The following TMEM217 variants were observed in gnomAD, a reference collection of about 807,000 sequenced individuals.
TMEM217 encodes the protein transmembrane protein 217.
For synonymous variants in TMEM217, 76 were observed against 88.3 expected (o/e 0.86, Z 0.78); for missense variants, 204 against 248.8 (o/e 0.82, Z 1.21).
chr6:37,249,428 T>A (rs563196596), intron 1 of TMEM217, among the ~76,000 whole-genome samples: 81 of 152,268 alleles, frequency 5.3e-4, no homozygotes, highest in Non-Finnish European at 6.9e-4. Flanking sequence ...CAAGCAATTC[T>A]CCTGCCTCAG....
At chr6:37,243,137 G>A (rs992764610) in intron 1 of TMEM217, among the ~76,000 whole-genome samples, 1 of 152,124 alleles carries the variant, frequency 6.6e-6, no homozygotes, top group Non-Finnish European at 1.5e-5. Flanking sequence ...AAAGAATATG[G>A]AAGGAAATAA....
chr6:37,222,380 G>T (rs1245323995), intron 1 of TMEM217, among the ~76,000 whole-genome samples: 1 of 152,228 alleles, frequency 6.6e-6, no homozygotes, highest in East Asian at 1.9e-4. Flanking sequence ...GGATTGGAGA[G>T]AGGCCAGGCA....
intron 1 of TMEM217, among the ~76,000 whole-genome samples, chr6:37,245,129 G>A (rs957321588): frequency 1.3e-5 from 2 of 152,206 alleles, no homozygotes; most frequent in Non-Finnish European, 2.9e-5. Flanking sequence ...GTCAGAATGA[G>A]GAAGTCCAAC....
At chr6:37,247,481 G>A (rs1263934053) in intron 1 of TMEM217, among the ~76,000 whole-genome samples, 4 of 151,462 alleles carry the variant, frequency 2.6e-5, no homozygotes, top group Non-Finnish European at 4.4e-5. Flanking sequence ...TCTGCCTCCC[G>A]GGTTAAAGCA....
At chr6:37,239,907 GA>G (rs1350209528) in intron 1 of TMEM217, among the ~76,000 whole-genome samples, 111 of 146,402 alleles carry the variant, frequency 7.6e-4, no homozygotes, top group African/African-American at 2.8e-3. Context: ...AAAAAAAAAA[GA>G]AGAATGCATT....
At chr6:37,222,262 A>C (rs1307273830) in intron 1 of TMEM217, among the ~76,000 whole-genome samples, 1 of 152,136 alleles carries the variant, frequency 6.6e-6, no homozygotes, top group Admixed American at 6.5e-5. Flanking sequence ...GTGGGGCCTT[A>C]CTGAGGACCC....
intron 1 of TMEM217, among the ~76,000 whole-genome samples, chr6:37,230,172 TCTC>T (rs1285692290): frequency 1.3e-5 from 2 of 152,164 alleles, no homozygotes; most frequent in Non-Finnish European, 2.9e-5. Flanking sequence ...TTCTCTGACT[TCTC>T]CTTCTGTCAC....
In TMEM217 at chr6:37,239,527, A is replaced by G. The variant is rs564705916; in HGVS notation, c.-12+18041T>C. On this transcript the variant is annotated intron_variant, in intron 1 of 1. Transcript: ENST00000357219. ...AAATAAGTAAATAAAATTCTAAGAT[A>G]TGAGAAAGCATTGAAGCATAGTGTA... is the stretch of plus-strand genomic sequence containing the variant. Among the ~76,000 whole-genome samples, 29 of 152,262 alleles carry G rather than the reference A, an allele frequency of 1.9e-4. No individual in the cohort carries two copies. The South Asian group carries it at 5.6e-3, about 29-fold the overall frequency.
chr6:37,215,328 GAGAAA>G (rs762979758), downstream of TMEM217: 6 of 1,598,566 alleles, frequency 3.8e-6, no homozygotes, highest in East Asian at 1.4e-4. Context: ...TTTTAATTAA[GAGAAA>G]AGAAAACTTG....
chr6:37,253,102 A>G (rs1324370006), intron 1 of TMEM217, among the ~76,000 whole-genome samples: 1 of 152,200 alleles, frequency 6.6e-6, no homozygotes, highest in African/African-American at 2.4e-5. Flanking sequence ...TCATGCAAAG[A>G]TATTTTATAT....
chr6:37,212,342 A>G, exon 4 of TMEM217: 1 of 358,616 alleles, frequency 2.8e-6, no homozygotes, highest in Non-Finnish European at 5.5e-6. Flanking sequence ...TCAACAGAAG[A>G]CAGGCAGGGT....
At chr6:37,256,274 G>T (rs1228999076) in intron 1 of TMEM217, among the ~76,000 whole-genome samples, 1 of 152,174 alleles carries the variant, frequency 6.6e-6, no homozygotes, top group Non-Finnish European at 1.5e-5. Flanking sequence ...TCTAGAAGTT[G>T]TTTTAGATTA....
intron 1 of TMEM217, among the ~76,000 whole-genome samples, chr6:37,235,556 T>A (rs571522321): frequency 2.0e-5 from 3 of 151,740 alleles, no homozygotes; most frequent in African/African-American, 7.3e-5. Flanking sequence ...TTAGTAGAGA[T>A]GGGGTTTCAC....
rs573961425 is a variant in TMEM217 at position 37,219,218 on chromosome 6, G to A, written c.-11-177C>T. On this transcript the variant is annotated intron_variant, in intron 1 of 1. Transcript: ENST00000357219. ...TTTAAAATAGATTGGGGGTGGGGAA[G>A]AGAGAGGATTCAGTCAAGTTGGTGG... Among the ~76,000 whole-genome samples the A allele has an allele frequency of 8.5e-5, 13 of 152,304 alleles. 1 individual carries two copies. The South Asian group carries it at 1.0e-3, about 12-fold the overall frequency.
intron 1 of TMEM217, among the ~76,000 whole-genome samples, chr6:37,226,987 A>T (rs928695175): frequency 1.3e-5 from 2 of 152,274 alleles, no homozygotes; most frequent in Non-Finnish European, 2.9e-5. Flanking sequence ...AATCATTTTC[A>T]TAGCTACCAA....
chr6:37,252,520 A>G (rs926179230), intron 1 of TMEM217, among the ~76,000 whole-genome samples: 4 of 151,024 alleles, frequency 2.6e-5, no homozygotes, highest in African/African-American at 9.7e-5. Flanking sequence ...GCACACACAC[A>G]TGCATATATA....
exon 4 of TMEM217, chr6:37,212,297 C>T (rs539701074): frequency 5.9e-5 from 21 of 353,924 alleles, no homozygotes; most frequent in Non-Finnish European, 1.0e-4. Flanking sequence ...TTCCTCAGTG[C>T]GTAAAACTCA....
At chr6:37,220,481 C>T (rs1763441962) in intron 1 of TMEM217, among the ~76,000 whole-genome samples, 1 of 151,818 alleles carries the variant, frequency 6.6e-6, no homozygotes, top group African/African-American at 2.4e-5. Flanking sequence ...GAAAAGTTGG[C>T]TTGTTAACTA....
downstream of TMEM217, among the ~76,000 whole-genome samples, chr6:37,216,470 G>C (rs1004031260): frequency 6.6e-6 from 1 of 152,156 alleles, no homozygotes; most frequent in Non-Finnish European, 1.5e-5. Flanking sequence ...CAGTTGAGAG[G>C]CTATGGAAGG....
Sources: allele counts gnomAD v4.1 joint callset (sites outside exome capture counted in the v4.1 genomes callset), GRCh38; gene constraint gnomAD v4.1.1; transcripts MANE v1.5; gene names NCBI Gene and HGNC (gene_info 2026-07-23, HGNC 2026-07-21).